KDM4C: variants seen among roughly 807,000 people sequenced by gnomAD.
KDM4C encodes the protein lysine-specific demethylase 4C.
KDM4C carries 81 observed loss-of-function variants against 129.3 expected under a neutral mutation model. The observed-to-expected ratio is 0.63, with a 90% confidence interval of 0.52 to 0.75. The LOEUF is 0.75. KDM4C is among the 30% of genes least tolerant of loss of function. The pLI, the probability that KDM4C is intolerant of heterozygous loss-of-function variation, is 0.00. For missense variants in KDM4C, 1,457 were observed against 1,304.0 expected, an observed-to-expected ratio of 1.12 and a Z score of -1.81; for synonymous variants, 573 against 456.1, an observed-to-expected ratio of 1.26 and a Z score of -3.26.
In KDM4C at chr9:6,811,365, G is replaced by A. The variant is rs1172754518; in HGVS notation, c.321-3266G>A. ...AGATGGGGTTTCAACATGTTGGCCA[G>A]GCTGGTCTCTAACTCCTGACCTCTG... On this transcript the variant is annotated intron_variant, in intron 3 of 21. Transcript: ENST00000381309. Among the ~76,000 whole-genome samples the A allele has an allele frequency of 8.5e-5, 13 of 152,248 alleles. No homozygotes were observed. In the East Asian group the frequency reaches 2.5e-3, roughly 29 times the overall value.
intron 15 of KDM4C, among the ~76,000 whole-genome samples, chr9:7,019,792 T>TAGAAGC (rs1824447630): frequency 6.8e-6 from 1 of 146,380 alleles, no homozygotes. Context: ...AAAAATATTT[T>TAGAAGC]AGAAGCAAAG....
intron 8 of KDM4C, among the ~76,000 whole-genome samples, chr9:6,932,095 C>G (rs950103101): frequency 6.6e-6 from 1 of 152,072 alleles, no homozygotes; most frequent in African/African-American, 2.4e-5. Flanking sequence ...TATGAGAGGC[C>G]TTGGTGTTTG....
At chr9:6,784,692 G>A (rs1825103184) in intron 1 of KDM4C, among the ~76,000 whole-genome samples, 1 of 152,230 alleles carries the variant, frequency 6.6e-6, no homozygotes, top group Non-Finnish European at 1.5e-5. Context: ...ATCGGAATGG[G>A]ATGAAACGGA....
chr9:6,917,321 G>T (rs937660379), intron 8 of KDM4C, among the ~76,000 whole-genome samples: 1 of 152,156 alleles, frequency 6.6e-6, no homozygotes, highest in Non-Finnish European at 1.5e-5. Flanking sequence ...CCAAACTGTA[G>T]CATGCACTTG....
intron 17 of KDM4C, among the ~76,000 whole-genome samples, chr9:7,093,871 A>G (rs4742308): frequency 0.55 from 83,861 of 152,004 alleles, 23,264 homozygotes; most frequent in Middle Eastern, 0.65. Flanking sequence ...ATTCCCCGTG[A>G]CTGGTATTAT....
rs34443147 is a variant in KDM4C at position 6,889,211 on chromosome 9, TTGTGTG to T, written c.783+1183_783+1188del. Among the ~76,000 whole-genome samples the T allele has an allele frequency of 3.7e-3, 226 of 61,608 alleles. 1 individual carries two copies. Among genetic ancestry groups the T allele is most frequent in the Non-Finnish European group, 4.2e-3 (141 of 33,790 alleles). 40.4% of individuals were successfully genotyped at this position (61,608 alleles called of 152,430 possible). On this transcript the variant is annotated intron_variant, in intron 7 of 21. Coordinates refer to ENST00000381309, the MANE Select transcript of KDM4C (RefSeq NM_015061.6). ...TTAGGTTCTTACTGTGGCCTTCTTT[TTGTGTG>T]TGTGTGTGTGTGTGTGTGTGTGTGT...
chr9:7,126,034 C>T (rs754059185), intron 18 of KDM4C, among the ~76,000 whole-genome samples: 1 of 152,158 alleles, frequency 6.6e-6, no homozygotes, highest in Non-Finnish European at 1.5e-5. Flanking sequence ...AAACAAACAA[C>T]CCAAATGACA....
At chr9:6,812,810 C>G (rs140420282) in intron 3 of KDM4C, among the ~76,000 whole-genome samples, 95 of 152,322 alleles carry the variant, frequency 6.2e-4, no homozygotes, top group African/African-American at 2.3e-3. Context: ...CCCGATACTA[C>G]TGGAACCTAC....
At chr9:6,939,950 C>G (rs2131379897) in intron 8 of KDM4C, among the ~76,000 whole-genome samples, 1 of 151,884 alleles carries the variant, frequency 6.6e-6, no homozygotes, top group East Asian at 1.9e-4. Context: ...TGCTTTAAAT[C>G]CAATAACCAA....
chr9:6,974,443 T>A (rs983604268), intron 8 of KDM4C, among the ~76,000 whole-genome samples: 1 of 152,234 alleles, frequency 6.6e-6, no homozygotes, highest in African/African-American at 2.4e-5. Flanking sequence ...CACTGCAACC[T>A]ACGCCTCTTG....
At chr9:6,815,516 A>AT (rs1265021223) in intron 4 of KDM4C, among the ~76,000 whole-genome samples, 1 of 152,136 alleles carries the variant, frequency 6.6e-6, no homozygotes, top group Non-Finnish European at 1.5e-5. Context: ...GGCCTGGCCC[A>AT]TTATTTTCTT....
At chr9:7,173,847 G>T (rs10815535) in intron 21 of KDM4C, among the ~76,000 whole-genome samples, 1 of 152,078 alleles carries the variant, frequency 6.6e-6, no homozygotes, top group Non-Finnish European at 1.5e-5. Flanking sequence ...TGCACTTACA[G>T]GCCTGAGCTG....
At chr9:6,896,209 T>A (rs1319045173) in intron 8 of KDM4C, among the ~76,000 whole-genome samples, 1 of 152,178 alleles carries the variant, frequency 6.6e-6, no homozygotes, top group African/African-American at 2.4e-5. Flanking sequence ...TTCATCAGTT[T>A]GTTCTAAATG....
intron 18 of KDM4C, among the ~76,000 whole-genome samples, chr9:7,116,422 A>G (rs7035428): frequency 2.1e-4 from 13 of 61,012 alleles, no homozygotes; most frequent in Middle Eastern, 0.011. Context: ...TTGAGGTTAT[A>G]TGGACCTTAG....
intron 5 of KDM4C, among the ~76,000 whole-genome samples, chr9:6,876,688 G>C (rs1843609719): frequency 6.6e-6 from 1 of 152,146 alleles, no homozygotes; most frequent in Non-Finnish European, 1.5e-5. Flanking sequence ...GGGTGCTGTT[G>C]CAGAGAAGTC....
intron 13 of KDM4C, among the ~76,000 whole-genome samples, chr9:7,013,204 G>A (rs1488448895): frequency 1.3e-5 from 2 of 152,146 alleles, no homozygotes; most frequent in South Asian, 2.1e-4. Flanking sequence ...AATCTGTAAG[G>A]TAATTCATTA....
intron 21 of KDM4C, among the ~76,000 whole-genome samples, chr9:7,174,330 T>A (rs1051810261): frequency 2.0e-5 from 3 of 151,930 alleles, no homozygotes; most frequent in African/African-American, 4.8e-5. Context: ...GTCCCTGGGG[T>A]TGGAGGGTGG....
chr9:7,129,180 T>C (rs768938087), intron 19 of KDM4C, among the ~76,000 whole-genome samples: 4 of 152,192 alleles, frequency 2.6e-5, no homozygotes, highest in African/African-American at 9.7e-5. Context: ...TCAGCGACTT[T>C]TTAATAGTCA....
intron 3 of KDM4C, among the ~76,000 whole-genome samples, chr9:6,808,900 T>G (rs900486839): frequency 6.6e-6 from 1 of 151,998 alleles, no homozygotes; most frequent in South Asian, 2.1e-4. Flanking sequence ...AATTCTGATA[T>G]GATAATTAAG....
Sources: allele counts gnomAD v4.1 joint callset (sites outside exome capture counted in the v4.1 genomes callset), GRCh38; gene constraint gnomAD v4.1.1; transcripts MANE v1.5; gene names NCBI Gene and HGNC (gene_info 2026-07-23, HGNC 2026-07-21).